ROBO2: variants seen among roughly 807,000 people sequenced by gnomAD.
The protein encoded by ROBO2 is roundabout homolog 2.
In ROBO2, 53 loss-of-function variants were observed where a neutral mutation model predicts 160.8. The observed-to-expected ratio is 0.33, with a 90% CI of 0.26 to 0.41. The LOEUF (loss-of-function observed/expected upper bound fraction) is 0.41, where lower values mean the gene tolerates loss of function less well. Among genes scored for constraint, ROBO2 ranks in the 10% least tolerant of loss-of-function variants. The pLI is 1.00. For missense variants in ROBO2, 1,577 were observed against 1,722.4 expected, an observed-to-expected ratio of 0.92 and a Z score of 1.49; for synonymous variants, 664 against 611.7, an observed-to-expected ratio of 1.09 and a Z score of -1.26.
At chr3:76,071,040 G>A (rs969295340) in intron 2 of ROBO2, among the ~76,000 whole-genome samples, 5 of 152,140 alleles carry the variant, frequency 3.3e-5, no homozygotes, top group East Asian at 1.9e-4. Context: ...TTCTACCATC[G>A]TGAAAATTTT....
At chr3:76,407,309 T>C (rs2075255041) in intron 2 of ROBO2, among the ~76,000 whole-genome samples, 1 of 152,006 alleles carries the variant, frequency 6.6e-6, no homozygotes, top group South Asian at 2.1e-4. Flanking sequence ...TCCTGCTGTC[T>C]AAACTATTCC....
intron 9 of ROBO2, among the ~76,000 whole-genome samples, chr3:77,559,578 T>C (rs1270264620): frequency 2.6e-5 from 4 of 152,068 alleles, no homozygotes; most frequent in African/African-American, 9.7e-5. Flanking sequence ...CAAAACAGCA[T>C]TTAGAATCTT....
intron 2 of ROBO2, among the ~76,000 whole-genome samples, chr3:76,654,128 T>C (rs2091380529): frequency 6.6e-6 from 1 of 152,190 alleles, no homozygotes; most frequent in African/African-American, 2.4e-5. Context: ...TGAATATTCA[T>C]TACTGCTCAT....
intron 2 of ROBO2, among the ~76,000 whole-genome samples, chr3:77,135,358 G>C (rs889995740): frequency 3.9e-5 from 6 of 152,130 alleles, no homozygotes; most frequent in African/African-American, 1.4e-4. Flanking sequence ...TGTGATCTCT[G>C]TAATCAAGTC....
chr3:77,403,437 C>T (rs2075986089), intron 2 of ROBO2, among the ~76,000 whole-genome samples: 1 of 152,090 alleles, frequency 6.6e-6, no homozygotes, highest in Non-Finnish European at 1.5e-5. Flanking sequence ...GTTTAGAGTC[C>T]ATGTGTAAGT....
chr3:77,327,475 A>G (rs944662545), intron 2 of ROBO2, among the ~76,000 whole-genome samples: 1 of 152,182 alleles, frequency 6.6e-6, no homozygotes, highest in Non-Finnish European at 1.5e-5. Context: ...GATATGCTGT[A>G]ACTCCATTTT....
intron 2 of ROBO2, among the ~76,000 whole-genome samples, chr3:76,595,308 TA>T: frequency 6.6e-6 from 1 of 152,014 alleles, no homozygotes; most frequent in South Asian, 2.1e-4. Context: ...TGGGGGACAA[TA>T]AAAACTGGAA....
chr3:76,743,246 G>A (rs886545509), intron 2 of ROBO2, among the ~76,000 whole-genome samples: 3 of 152,098 alleles, frequency 2.0e-5, no homozygotes, highest in Non-Finnish European at 2.9e-5. Context: ...CCCAAATGGA[G>A]ACTTGAGCCC....
At chr3:76,871,553 C>CA (rs553069391) in intron 2 of ROBO2, among the ~76,000 whole-genome samples, 18,082 of 83,440 alleles carry the variant, frequency 0.22, 1,495 homozygotes, top group Non-Finnish European at 0.23. Flanking sequence ...GACTCCGTCT[C>CA]AAAAAAAGAA....
intron 2 of ROBO2, among the ~76,000 whole-genome samples, chr3:76,040,549 C>G (rs1280282465): frequency 6.6e-6 from 1 of 151,934 alleles, no homozygotes; most frequent in Non-Finnish European, 1.5e-5. Context: ...CAAAATTTCC[C>G]TGATAATTTT....
At chr3:77,355,942 T>C (rs1472657442) in intron 2 of ROBO2, among the ~76,000 whole-genome samples, 1 of 148,468 alleles carries the variant, frequency 6.7e-6, no homozygotes, top group Non-Finnish European at 1.5e-5. Flanking sequence ...AAAAAATGGG[T>C]AAAGTGGAGA....
intron 2 of ROBO2, among the ~76,000 whole-genome samples, chr3:76,190,280 C>G (rs1009386172): frequency 5.9e-5 from 9 of 152,050 alleles, no homozygotes; most frequent in African/African-American, 2.2e-4. Flanking sequence ...TTCCTTGTTT[C>G]TGGTGTCCCT....
intron 2 of ROBO2, among the ~76,000 whole-genome samples, chr3:77,028,705 C>A (rs1490784398): frequency 6.6e-6 from 1 of 151,972 alleles, no homozygotes; most frequent in Non-Finnish European, 1.5e-5. Context: ...GGTGACAGAG[C>A]GAGACTCCGT....
At chr3:77,078,904 C>T (rs2068311945) in intron 1 of ROBO2, among the ~76,000 whole-genome samples, 1 of 152,036 alleles carries the variant, frequency 6.6e-6, no homozygotes, top group Admixed American at 6.6e-5. Context: ...TTACTCTTGC[C>T]AGAATTGTAG....
Position 77,359,256 on chromosome 3 carries a change from G to T in ROBO2, c.389-118158G>T, listed in dbSNP as rs142892536. Among the ~76,000 whole-genome samples, 80 of 152,328 alleles carry T rather than the reference G, an allele frequency of 5.3e-4. 1 individual carries two copies. The South Asian group carries it at 0.014, about 26-fold the overall frequency. On this transcript the variant is annotated intron_variant, in intron 2 of 25. Coordinates refer to ENST00000461745, the Ensembl canonical transcript of ROBO2. ...AATCTGCCTAGGCAGGCAGGGCTGT[G>T]ACCAGTAATGGAAAATGCATCTCTG...
intron 2 of ROBO2, among the ~76,000 whole-genome samples, chr3:76,656,072 T>C (rs2091508196): frequency 1.3e-5 from 2 of 152,064 alleles, no homozygotes; most frequent in Admixed American, 6.6e-5. Context: ...CAATTTTAAG[T>C]GTACTAAGCA....
At chr3:76,108,053 G>A (rs534950989) in intron 2 of ROBO2, among the ~76,000 whole-genome samples, 1 of 152,000 alleles carries the variant, frequency 6.6e-6, no homozygotes, top group South Asian at 2.1e-4. Flanking sequence ...AGAAAGAATA[G>A]CATACTCTTT....
chr3:76,102,863 C>T (rs922825575), intron 2 of ROBO2, among the ~76,000 whole-genome samples: 20 of 150,690 alleles, frequency 1.3e-4, no homozygotes, highest in Admixed American at 4.6e-4. Flanking sequence ...CTCACTCTGT[C>T]GCCCAGGCTG....
chr3:77,312,108 A>G (rs2063595486), intron 2 of ROBO2, among the ~76,000 whole-genome samples: 1 of 152,152 alleles, frequency 6.6e-6, no homozygotes, highest in African/African-American at 2.4e-5. Flanking sequence ...AAAATGATTC[A>G]GAAAATTTTA....
Sources: allele counts gnomAD v4.1 joint callset (sites outside exome capture counted in the v4.1 genomes callset), GRCh38; gene constraint gnomAD v4.1.1; transcripts MANE v1.5; gene names NCBI Gene and HGNC (gene_info 2026-07-23, HGNC 2026-07-21).